Variants in RCOR1 observed in about 807,000 individuals in gnomAD.
The protein encoded by RCOR1 is REST corepressor.
A neutral mutation model predicts 64.0 loss-of-function variants in RCOR1; 12 were observed. That is an observed-to-expected ratio of 0.19 (90% CI 0.12 to 0.30). RCOR1 has a LOEUF of 0.30. Among genes scored for constraint, RCOR1 ranks in the 10% least tolerant of loss-of-function variants. The probability of loss-of-function intolerance (pLI) is 1.00; values close to 1 mark genes in which losing one functional copy is unlikely to be tolerated. For missense variants in RCOR1, 502 were observed against 621.2 expected, an observed-to-expected ratio of 0.81 and a Z score of 2.04; for synonymous variants, 279 against 227.2, an observed-to-expected ratio of 1.23 and a Z score of -2.05.
rs993549232 is a variant in RCOR1, at chr14:102,655,957, A to G, written c.362-25938A>G. On this transcript the variant is annotated intron_variant, in intron 2 of 11. Transcript: ENST00000262241. ...AACAGAGTGAGACTTTTTGTCACAC[A>G]CACACACACACACACACACACACAC... 11 of 599,438 alleles carry G rather than the reference A, an allele frequency of 1.8e-5. No homozygotes were observed. In the African/African-American group the frequency reaches 1.9e-4, roughly 10 times the overall value. 37.1% of individuals were successfully genotyped at this position (599,438 alleles called of 1,614,324 possible).
At position 102,715,261 on chromosome 14, in the gene RCOR1, C is replaced by T. The variant is rs1009615000; in HGVS notation, c.1053+644C>T. 5.9e-5 allele frequency among the ~76,000 whole-genome samples: 9 copies of T among 152,000 alleles called. No homozygotes were observed. In the East Asian group the frequency reaches 1.4e-3, roughly 23 times the overall value. On this transcript the variant is annotated intron_variant, in intron 8 of 11. Coordinates refer to ENST00000262241, the MANE Select transcript of RCOR1 (RefSeq NM_015156.4). ...TTGTTTTTTGTATGTTTAGTAGAGA[C>T]GGGGTTTTACCATGTTAGCCAGGAT...
intron 2 of RCOR1, among the ~76,000 whole-genome samples, chr14:102,622,722 T>C (rs952120759): frequency 6.6e-6 from 1 of 152,172 alleles, no homozygotes; most frequent in East Asian, 1.9e-4. Context: ...GAAAGAGTAC[T>C]TGCCTGCCCC....
chr14:102,721,999 G>C (rs536579613), intron 10 of RCOR1, among the ~76,000 whole-genome samples, 188 bp from the exon 11 acceptor site: 1 of 152,178 alleles, frequency 6.6e-6, no homozygotes, highest in African/African-American at 2.4e-5. Flanking sequence ...AAAATGACAG[G>C]GTCGGTCATC....
chr14:102,595,680 C>T (rs536929024), intron 2 of RCOR1, among the ~76,000 whole-genome samples: 3 of 151,866 alleles, frequency 2.0e-5, no homozygotes, highest in South Asian at 2.1e-4. Context: ...CCCAGGTTCA[C>T]GCCATTCTCC....
chr14:102,660,700 A>G (rs1462137317), intron 2 of RCOR1, among the ~76,000 whole-genome samples: 1 of 152,224 alleles, frequency 6.6e-6, no homozygotes, highest in Non-Finnish European at 1.5e-5. Flanking sequence ...TAAATCAAGA[A>G]GAAAATAGAT....
chr14:102,654,462 G>A (rs1894681017), intron 2 of RCOR1, among the ~76,000 whole-genome samples: 1 of 152,154 alleles, frequency 6.6e-6, no homozygotes, highest in Non-Finnish European at 1.5e-5. Context: ...ATGGCTGTGG[G>A]TTTCCGATGA....
chr14:102,623,709 A>G (rs892027182), intron 2 of RCOR1, among the ~76,000 whole-genome samples: 38 of 151,044 alleles, frequency 2.5e-4, no homozygotes, highest in African/African-American at 9.2e-4. Context: ...CGCCTGGCCA[A>G]CTTCCTTAAT....
At chr14:102,686,795 T>A (rs1173614741) in intron 3 of RCOR1, among the ~76,000 whole-genome samples, 2 of 152,244 alleles carry the variant, frequency 1.3e-5, no homozygotes, top group Non-Finnish European at 2.9e-5. Flanking sequence ...TACCGTTGTC[T>A]AGCTATGCCA....
chr14:102,592,734 C>G lies in RCOR1; in HGVS notation c.-153C>G, dbSNP rs566581220. On this transcript the variant is annotated 5_prime_UTR_variant, in exon 1 of 12. Transcript: ENST00000262241. ...GCTTGAAGCGGCTCCGCGCTCTGCC[C>G]GTTTGGGCCTCCCCCGACTCGGACT... 3 of 1,222,856 alleles carry G rather than the reference C, an allele frequency of 2.5e-6. No homozygotes were observed. The highest frequency in any genetic ancestry group is 3.1e-6 in the Non-Finnish European group (3 of 982,444). 75.8% of individuals were successfully genotyped at this position (1,222,856 alleles called of 1,614,324 possible). A position where few individuals can be genotyped will look rare whatever the true frequency, so the allele number is the denominator to read the frequency against.
intron 2 of RCOR1, among the ~76,000 whole-genome samples, chr14:102,670,717 G>C (rs1895015183): frequency 6.8e-6 from 1 of 147,810 alleles, no homozygotes; most frequent in Non-Finnish European, 1.5e-5. Flanking sequence ...GTAATTGTGA[G>C]CGTGTCTTAA....
rs759865561 is a variant in RCOR1, at chr14:102,714,430, C to T, written c.866C>T (p.Pro289Leu). ...CCTGTGTATATCATGCAGGTTCCCC[C>T]TACTGAGACAGTTCCTCAGGTCAAA... Reference protein sequence around the residue: ...QNKESKKEVPPTETVPQVKKE... With the variant: ...QNKESKKEVPLTETVPQVKKE... The change falls in exon 8 of 12, where the codon CCT becomes CTT. Residue 289 changes from proline to leucine, a missense_variant. Physicochemically the swap from Pro to Leu is moderately conservative, Grantham distance 98. Around this residue, in one of 2 missense-constraint regions of RCOR1, gnomAD observed 260 missense variants for 416.4 expected, o/e 0.62. Coordinates refer to ENST00000262241, the MANE Select transcript of RCOR1 (RefSeq NM_015156.4). 3 of 1,604,208 alleles carry T rather than the reference C, an allele frequency of 1.9e-6. No homozygotes were observed. The highest frequency in any genetic ancestry group is 2.2e-5 in the South Asian group (2 of 90,094).
intron 3 of RCOR1, 122 bp downstream of exon 3, chr14:102,682,100 A>T: frequency 1.7e-6 from 1 of 574,952 alleles, no homozygotes; most frequent in Non-Finnish European, 3.0e-6. Flanking sequence ...TAAATAATTT[A>T]AAGAGTTTTA....
At chr14:102,720,905 G>A (rs934843079) in intron 8 of RCOR1, 102 bp from the exon 9 acceptor site, 12 of 611,980 alleles carry the variant, frequency 2.0e-5, no homozygotes, top group East Asian at 6.0e-5. Flanking sequence ...TGTTAGTAAC[G>A]TCTTTACTCT....
chr14:102,722,178 C>T lies in RCOR1; in HGVS notation c.1190-9C>T, dbSNP rs368170763. ...TTGTATTTTAAAAAATGCTTTCTTACATCCTTAGCCATCAGGAAATATGGC... is the reference window on the plus strand; with the variant it reads ...TTGTATTTTAAAAAATGCTTTCTTATATCCTTAGCCATCAGGAAATATGGC... On this transcript the variant is annotated splice_polypyrimidine_tract_variant and intron_variant, in intron 10 of 11. Transcript: ENST00000262241. 4.7e-4 allele frequency: 757 copies of T among 1,604,236 alleles called. 2 individuals carry two copies. Among genetic ancestry groups the T allele is most frequent in the Non-Finnish European group, 6.1e-4 (711 of 1,171,506 alleles).
rs540597805 is a variant in RCOR1 at position 102,606,547 on chromosome 14, TGGGA to T, written c.361+13224_361+13227del. Among the ~76,000 whole-genome samples, 41 of 152,246 alleles carry T rather than the reference TGGGA, an allele frequency of 2.7e-4. No individual in the cohort carries two copies. The East Asian group carries it at 6.0e-3, about 22-fold the overall frequency. On this transcript the variant is annotated intron_variant, in intron 2 of 11. Coordinates refer to ENST00000262241, the MANE Select transcript of RCOR1 (RefSeq NM_015156.4). ...TCTTACTCAGTACCAGAGAGTGTTC[TGGGA>T]GCTAGTGGTGTCATGTATGTCTGAT...
At chr14:102,701,244 A>G in intron 3 of RCOR1, 34 bp from the exon 4 acceptor site, 1 of 1,567,940 alleles carries the variant, frequency 6.4e-7, no homozygotes, top group Non-Finnish European at 8.8e-7. Context: ...TCTGTCCCTC[A>G]GTTTGTTTAA....
chr14:102,635,385 T>C (rs1894214964), intron 2 of RCOR1, among the ~76,000 whole-genome samples: 1 of 151,994 alleles, frequency 6.6e-6, no homozygotes, highest in African/African-American at 2.4e-5. Flanking sequence ...GTGCCTGTAT[T>C]CCCAGCTACT....
intron 2 of RCOR1, among the ~76,000 whole-genome samples, chr14:102,670,274 CTTTA>C (rs1335280534): frequency 6.6e-6 from 1 of 152,046 alleles, no homozygotes; most frequent in Non-Finnish European, 1.5e-5. Flanking sequence ...TTTTAAAAAG[CTTTA>C]TTTATTATCT....
chr14:102,711,458 C>G (rs913163015), intron 7 of RCOR1, among the ~76,000 whole-genome samples: 2 of 152,234 alleles, frequency 1.3e-5, no homozygotes, highest in African/African-American at 4.8e-5. Context: ...TACTCAGAAG[C>G]AGCAATTTGG....
Sources: gnomAD v4.1 joint callset for allele counts (sites outside exome capture counted in the v4.1 genomes callset) on GRCh38, gnomAD v4.1.1 for gene constraint, gnomAD v4.1.1 regional missense constraint, MANE v1.5 for transcripts, NCBI Gene and HGNC (gene_info 2026-07-23, HGNC 2026-07-21) for gene names.